CDK5RAP2: variants seen among roughly 807,000 people sequenced by gnomAD.
The protein encoded by CDK5RAP2 is CDK5 regulatory subunit-associated protein 2.
In CDK5RAP2, 147 loss-of-function variants were observed where a neutral mutation model predicts 232.9. That is an observed-to-expected ratio of 0.63 (90% confidence interval 0.55 to 0.72). The LOEUF (loss-of-function observed/expected upper bound fraction) is 0.72, where lower values mean the gene tolerates loss of function less well. Among genes scored for constraint, CDK5RAP2 ranks in the 30% least tolerant of loss-of-function variants. The pLI is 0.00. For synonymous variants in CDK5RAP2, 833 were observed against 833.7 expected (o/e 1.00, Z 0.01); for missense variants, 2,195 against 2,231.5 (o/e 0.98, Z 0.33).
chr9:120,440,246 C>A, intron 23 of CDK5RAP2: 2 of 481,618 alleles, frequency 4.2e-6, no homozygotes, highest in Non-Finnish European at 3.8e-6. Context: ...CATGATAAAC[C>A]CACACACACA....
intron 18 of CDK5RAP2, among the ~76,000 whole-genome samples, chr9:120,462,682 A>G (rs1315141810): frequency 2.0e-5 from 3 of 152,266 alleles, no homozygotes; most frequent in Non-Finnish European, 4.4e-5. Flanking sequence ...CTCCATTTAT[A>G]TGAAGGTCTA....
chr9:120,487,974 G>A (rs898522259), intron 13 of CDK5RAP2, among the ~76,000 whole-genome samples: 2 of 152,174 alleles, frequency 1.3e-5, no homozygotes, highest in African/African-American at 4.8e-5. Flanking sequence ...TACTGCTTTA[G>A]GGTCTGGTCA....
intron 15 of CDK5RAP2, 37 bp downstream of exon 15, chr9:120,477,313 G>T: frequency 7.1e-7 from 1 of 1,406,118 alleles, no homozygotes; most frequent in Non-Finnish European, 1.0e-6. Flanking sequence ...GTGTGTGTTC[G>T]CATTCACATG....
chr9:120,444,988 C>T (rs1348878567), intron 22 of CDK5RAP2, among the ~76,000 whole-genome samples: 9 of 152,188 alleles, frequency 5.9e-5, no homozygotes, highest in Admixed American at 5.9e-4. Flanking sequence ...GTCCAAGACT[C>T]CAGAGTCATC....
At chr9:120,434,135 G>A (rs1282751131) in intron 25 of CDK5RAP2, among the ~76,000 whole-genome samples, 2 of 152,212 alleles carry the variant, frequency 1.3e-5, no homozygotes, top group Admixed American at 1.3e-4. Flanking sequence ...AGGGAAAAAG[G>A]GAATGTCAGT....
intron 31 of CDK5RAP2, chr9:120,408,098 A>G (rs2033601203): frequency 7.6e-6 from 4 of 523,702 alleles, no homozygotes; most frequent in Middle Eastern, 1.1e-3. Flanking sequence ...TGAGGGTCAC[A>G]TAGCTGGGAA....
intron 12 of CDK5RAP2, among the ~76,000 whole-genome samples, chr9:120,501,407 G>A (rs1394411937): frequency 6.6e-6 from 1 of 152,130 alleles, no homozygotes; most frequent in Non-Finnish European, 1.5e-5. Flanking sequence ...ATTTATATGT[G>A]TATTTTGCTT....
At chr9:120,470,300 C>G (rs749090154) in intron 16 of CDK5RAP2, 80 bp from the exon 17 acceptor site, 9 of 683,714 alleles carry the variant, frequency 1.3e-5, no homozygotes, top group Non-Finnish European at 2.3e-5. Flanking sequence ...AAGACTGACC[C>G]CAGTGCAATC....
Position 120,487,339 on chromosome 9 carries a change from C to G in CDK5RAP2, c.1581G>C (p.Lys527Asn), listed in dbSNP as rs760045973. 2 of 1,614,056 alleles carry G rather than the reference C, an allele frequency of 1.2e-6. No individual in the cohort carries two copies. The highest frequency in any genetic ancestry group is 1.7e-6 in the Non-Finnish European group (2 of 1,180,000). ...ELRSEGLITE[K>N]CSSQQPPGSK... ...TGCCTGGTGGCTGTTGAGAAGAGCACTTTTCTGTTATTAAGCCTTCACTCC... is the reference window on the plus strand; with the variant it reads ...TGCCTGGTGGCTGTTGAGAAGAGCAGTTTTCTGTTATTAAGCCTTCACTCC... Residue 527 changes from lysine (K) to asparagine (N), a missense_variant, in exon 14 of 38, where the codon AAG (lysine) becomes AAC (asparagine). Physicochemically the swap from Lys to Asn is moderately conservative, Grantham distance 94. Coordinates refer to ENST00000349780, the MANE Select transcript of CDK5RAP2 (RefSeq NM_018249.6).
rs955781293 is a variant in CDK5RAP2 at position 120,451,358 on chromosome 9, G to A, written c.2793+2098C>T. ...CTCAAAGCAGGTAAGTGGCCAGGCCGGATGCAAACACATGTATATCAGTAA... is the reference window on the plus strand; with the variant it reads ...CTCAAAGCAGGTAAGTGGCCAGGCCAGATGCAAACACATGTATATCAGTAA... On this transcript the variant is annotated intron_variant, in intron 21 of 37. Coordinates refer to ENST00000349780, the MANE Select transcript of CDK5RAP2 (RefSeq NM_018249.6). Among the ~76,000 whole-genome samples the A allele has an allele frequency of 2.6e-5, 4 of 152,122 alleles. No homozygotes were observed. In the South Asian group the frequency reaches 6.2e-4, roughly 24 times the overall value.
At chr9:120,492,762 C>G (rs573392499) in intron 12 of CDK5RAP2, among the ~76,000 whole-genome samples, 1 of 152,164 alleles carries the variant, frequency 6.6e-6, no homozygotes, top group South Asian at 2.1e-4. Context: ...TAATGTTATT[C>G]TGAAACTGTG....
intron 31 of CDK5RAP2, 41 bp downstream of exon 31, chr9:120,408,306 C>T (rs2033616192): frequency 1.2e-6 from 2 of 1,612,264 alleles, no homozygotes; most frequent in Non-Finnish European, 8.5e-7. Context: ...GGTCTTACAG[C>T]CCAAAGCACA....
In CDK5RAP2 at chr9:120,543,359, A is replaced by G. The variant is rs114313180; in HGVS notation, c.383+2355T>C. Among the ~76,000 whole-genome samples the G allele has an allele frequency of 8.6e-3, 1,308 of 152,260 alleles. 19 individuals carry two copies. The highest frequency in any genetic ancestry group is 0.029 in the African/African-American group (1,221 of 41,552). On this transcript the variant is annotated intron_variant, in intron 5 of 37. Transcript: ENST00000349780. ...ATTGTGTCACTTGCTTAAAACCCAC[A>G]ACTGCTTTCCATGTGATTTTAAGAT...
In CDK5RAP2 at chr9:120,500,112, G is replaced by A. The variant is rs181488762; in HGVS notation, c.1312-8635C>T. On this transcript the variant is annotated intron_variant, in intron 12 of 37. Coordinates refer to ENST00000349780, the MANE Select transcript of CDK5RAP2 (RefSeq NM_018249.6). ...GCTCTGCTCATCCTTTTAGTCTAAA[G>A]GAAAGGCGGGACAGGTGGCGAGGCA... 2.0e-5 allele frequency among the ~76,000 whole-genome samples: 3 copies of A among 152,278 alleles called. No individual in the cohort carries two copies. In the East Asian group the frequency reaches 5.8e-4, roughly 29 times the overall value.
At chr9:120,482,736 T>C (rs149698257) in intron 14 of CDK5RAP2, among the ~76,000 whole-genome samples, 423 of 152,174 alleles carry the variant, frequency 2.8e-3, no homozygotes, top group African/African-American at 9.5e-3. Flanking sequence ...AAACTGATGA[T>C]TAAGTAGGTA....
intron 20 of CDK5RAP2, among the ~76,000 whole-genome samples, chr9:120,454,806 A>G (rs73660251): frequency 0.03 from 4,508 of 152,308 alleles, 85 homozygotes; most frequent in East Asian, 0.041. Flanking sequence ...CCACACAGGC[A>G]CAGTATATAC....
At chr9:120,510,511 G>C (rs2040028600) in intron 12 of CDK5RAP2, among the ~76,000 whole-genome samples, 1 of 152,144 alleles carries the variant, frequency 6.6e-6, no homozygotes, top group East Asian at 1.9e-4. Flanking sequence ...GAACCAGAGA[G>C]AGTGCACCTA....
Position 120,538,946 on chromosome 9 carries a change from G to A in CDK5RAP2, c.507+95C>T. 3 of 1,346,514 alleles carry A rather than the reference G, an allele frequency of 2.2e-6. No individual in the cohort carries two copies. In the South Asian group the frequency reaches 3.5e-5, roughly 16 times the overall value. The allele number at this position is 1,346,514 out of a possible 1,614,324, so 83.4% of individuals were successfully genotyped here. On this transcript the variant is annotated intron_variant, in intron 6 of 37. Coordinates refer to ENST00000349780, the MANE Select transcript of CDK5RAP2 (RefSeq NM_018249.6). ...AATAAGGGTAGCTGTTGTTTCTGCTGAAACTGACGGTTTATAAAAAAAGAA... is the reference window on the plus strand; with the variant it reads ...AATAAGGGTAGCTGTTGTTTCTGCTAAAACTGACGGTTTATAAAAAAAGAA...
In CDK5RAP2 at chr9:120,453,469, C is replaced by T. The variant is rs769303241; in HGVS notation, c.2780G>A (p.Gly927Asp). ...GWQAALLSLP[G>D]ITNREAKKSR... ...GGAAAAACTTACTCTGTTGGTAATA[C>T]CAGGGAGGGAAAGGAGGGCAGCCTG... Residue 927 changes from glycine (G) to aspartate (D), a missense_variant, in exon 21 of 38, where the codon GGT (glycine) becomes GAT (aspartate). By Grantham distance (94) the Gly-to-Asp change is moderately conservative. Transcript: ENST00000349780. The T allele has an allele frequency of 1.2e-6, 2 of 1,610,498 alleles. No individual in the cohort carries two copies. Among genetic ancestry groups the T allele is most frequent in the Admixed American group, 1.7e-5 (1 of 60,002 alleles).
Sources: gnomAD v4.1 joint callset for allele counts (sites outside exome capture counted in the v4.1 genomes callset) on GRCh38, gnomAD v4.1.1 for gene constraint, MANE v1.5 for transcripts, NCBI Gene and HGNC (gene_info 2026-07-23, HGNC 2026-07-21) for gene names.